MALRD1: variants seen among roughly 807,000 people sequenced by gnomAD.
The protein encoded by MALRD1 is MAM and LDL-receptor class A domain-containing protein 1.
MALRD1 carries 247 observed loss-of-function variants against 242.1 expected under a neutral mutation model. That is an observed-to-expected ratio of 1.02 (90% CI 0.92 to 1.13). MALRD1 has a LOEUF of 1.13. Ranked by LOEUF, MALRD1 falls within the 50% of genes most tolerant of loss-of-function variation. The probability of loss-of-function intolerance (pLI) is 0.00; values close to 1 mark genes in which losing one functional copy is unlikely to be tolerated. For missense variants in MALRD1, 2,989 were observed against 2,533.1 expected, an observed-to-expected ratio of 1.18 and a Z score of -3.86; for synonymous variants, 995 against 866.6, an observed-to-expected ratio of 1.15 and a Z score of -2.60.
chr10:19,223,307 C>T (rs901881638), intron 18 of MALRD1, among the ~76,000 whole-genome samples: 1 of 152,132 alleles, frequency 6.6e-6, no homozygotes, highest in African/African-American at 2.4e-5. Flanking sequence ...GCTGGGGAAG[C>T]TCTTTTCAGA....
chr10:19,158,038 A>G (rs1834240829), intron 12 of MALRD1, among the ~76,000 whole-genome samples: 1 of 152,190 alleles, frequency 6.6e-6, no homozygotes, highest in African/African-American at 2.4e-5. Flanking sequence ...GAAAATTGGC[A>G]TTTTTCTTTG....
chr10:19,115,132 G>A (rs554856139), intron 5 of MALRD1, among the ~76,000 whole-genome samples: 1 of 152,150 alleles, frequency 6.6e-6, no homozygotes, highest in East Asian at 1.9e-4. Context: ...TATGTTCTAG[G>A]GCCTGCTGAC....
chr10:19,336,395 A>G (rs1007473185), intron 24 of MALRD1, among the ~76,000 whole-genome samples: 1 of 152,210 alleles, frequency 6.6e-6, no homozygotes, highest in African/African-American at 2.4e-5. Flanking sequence ...GAGTTGACCA[A>G]CACAGTCAGT....
At chr10:19,606,840 T>C (rs1838658065) in intron 34 of MALRD1, among the ~76,000 whole-genome samples, 1 of 152,108 alleles carries the variant, frequency 6.6e-6, no homozygotes, top group Non-Finnish European at 1.5e-5. Context: ...CCCATTTAAC[T>C]CTAACACATA....
chr10:19,068,461 T>C (rs2131248244), intron 2 of MALRD1, among the ~76,000 whole-genome samples: 1 of 152,184 alleles, frequency 6.6e-6, no homozygotes, highest in African/African-American at 2.4e-5. Flanking sequence ...TGGGTTTGAA[T>C]CCTAGCCCTG....
intron 8 of MALRD1, among the ~76,000 whole-genome samples, chr10:19,132,624 C>T (rs1833156740): frequency 3.3e-5 from 5 of 152,080 alleles, no homozygotes; most frequent in Admixed American, 2.0e-4. Flanking sequence ...TGGATTAAAA[C>T]AAGATGTTGC....
chr10:19,381,128 C>G (rs1845821068), intron 26 of MALRD1, among the ~76,000 whole-genome samples: 1 of 143,544 alleles, frequency 7.0e-6, no homozygotes, highest in Non-Finnish European at 1.5e-5. Context: ...TCTCATTGTT[C>G]AATTCCCACC....
intron 32 of MALRD1, among the ~76,000 whole-genome samples, chr10:19,543,158 C>T (rs1238208555): frequency 1.3e-5 from 2 of 152,228 alleles, no homozygotes; most frequent in African/African-American, 4.8e-5. Context: ...TTTCACAGCT[C>T]ACTGCAGCCT....
At position 19,123,484 on chromosome 10, in the gene MALRD1, T is replaced by C; in HGVS notation, c.695-8T>C. On this transcript the variant is annotated splice_polypyrimidine_tract_variant and splice_region_variant and intron_variant, in intron 5 of 39. Coordinates refer to ENST00000454679, the MANE Select transcript of MALRD1 (RefSeq NM_001142308.3). ...ATTTCACTTCTTGCCAATCTTTAAA[T>C]TTAACAGATGGAATTTTACTGTGTC... 1 of 1,231,150 alleles carries C rather than the reference T, an allele frequency of 8.1e-7. No individual in the cohort carries two copies. The highest frequency in any genetic ancestry group is 1.5e-5 in the African/African-American group (1 of 64,572). 76.3% of individuals were successfully genotyped at this position (1,231,150 alleles called of 1,614,324 possible).
intron 36 of MALRD1, among the ~76,000 whole-genome samples, chr10:19,634,211 C>G (rs1027643018): frequency 3.9e-5 from 6 of 152,120 alleles, no homozygotes; most frequent in African/African-American, 1.4e-4. Context: ...AAAGTTATTC[C>G]TCTCATTTCC....
At chr10:19,412,265 T>C (rs1263018108) in intron 28 of MALRD1, among the ~76,000 whole-genome samples, 1 of 152,230 alleles carries the variant, frequency 6.6e-6, no homozygotes, top group Non-Finnish European at 1.5e-5. Context: ...CACTCCAGTC[T>C]GGGTGAAAGA....
chr10:19,185,169 G>A (rs72792607), intron 14 of MALRD1, among the ~76,000 whole-genome samples: 21,100 of 152,026 alleles, frequency 0.14, 1,568 homozygotes, highest in Middle Eastern at 0.2. Flanking sequence ...ATTTTCTCAC[G>A]CCTACATTGT....
At chr10:19,202,507 A>G (rs1418776470) in intron 14 of MALRD1, among the ~76,000 whole-genome samples, 1 of 152,174 alleles carries the variant, frequency 6.6e-6, no homozygotes, top group African/African-American at 2.4e-5. Context: ...TAAATTCCCT[A>G]TAATTTTATT....
chr10:19,340,627 A>G (rs186341837), intron 24 of MALRD1, among the ~76,000 whole-genome samples: 1 of 152,256 alleles, frequency 6.6e-6, no homozygotes, highest in African/African-American at 2.4e-5. Context: ...CTCTGCATAG[A>G]CTGGGAGGAT....
At chr10:19,248,539 A>T (rs1478339932) in intron 18 of MALRD1, among the ~76,000 whole-genome samples, 4 of 152,158 alleles carry the variant, frequency 2.6e-5, no homozygotes, top group South Asian at 2.1e-4. Flanking sequence ...TATTATTTGT[A>T]TAGCTTCCTC....
chr10:19,312,887 A>C (rs1438061997), intron 21 of MALRD1, among the ~76,000 whole-genome samples: 1 of 151,504 alleles, frequency 6.6e-6, no homozygotes, highest in Non-Finnish European at 1.5e-5. Flanking sequence ...AGGGCAGGGA[A>C]ACGATCAGTG....
chr10:19,256,537 A>G (rs1197967735), intron 18 of MALRD1, among the ~76,000 whole-genome samples: 1 of 152,104 alleles, frequency 6.6e-6, no homozygotes, highest in Non-Finnish European at 1.5e-5. Flanking sequence ...GTATAACACC[A>G]TTAAATGTTG....
Position 19,225,079 on chromosome 10 carries a change from A to G in MALRD1, c.2991+15399A>G, listed in dbSNP as rs139387181. 2.4e-3 allele frequency among the ~76,000 whole-genome samples: 373 copies of G among 152,272 alleles called. 15 individuals carry two copies. In the East Asian group the frequency reaches 0.064, roughly 26 times the overall value. On this transcript the variant is annotated intron_variant, in intron 18 of 39. Coordinates refer to ENST00000454679, the MANE Select transcript of MALRD1 (RefSeq NM_001142308.3). ...ATGGCTAGCCAGTTTTCCCATCACC[A>G]TTTATTAAATAGTAAATCTTTCCCC...
At chr10:19,119,705 C>T (rs1219691853) in intron 5 of MALRD1, among the ~76,000 whole-genome samples, 3 of 152,126 alleles carry the variant, frequency 2.0e-5, no homozygotes, top group Non-Finnish European at 2.9e-5. Flanking sequence ...TGCATGACTC[C>T]TAAACTATAA....
Sources: gnomAD v4.1 joint callset for allele counts (sites outside exome capture counted in the v4.1 genomes callset) on GRCh38, gnomAD v4.1.1 for gene constraint, MANE v1.5 for transcripts, NCBI Gene and HGNC (gene_info 2026-07-23, HGNC 2026-07-21) for gene names.